The following GPR173 variants were observed in gnomAD, a reference collection of about 807,000 sequenced individuals.
The protein encoded by GPR173 is probable G protein-coupled receptor 173.
In GPR173, 2 loss-of-function variants were observed where a neutral mutation model predicts 13.9. The observed-to-expected ratio is 0.14, with a 90% confidence interval of 0.06 to 0.45. The LOEUF (loss-of-function observed/expected upper bound fraction) is 0.45. Ranked by LOEUF, GPR173 falls within the 20% of genes least tolerant of loss-of-function variation. GPR173 has a pLI of 0.98. For synonymous variants in GPR173, 131 were observed against 141.0 expected (o/e 0.93, Z 0.50); for missense variants, 202 against 340.5 (o/e 0.59, Z 3.20).
chrX:53,060,188 C>T (rs957597431), intron 1 of GPR173, among the ~76,000 whole-genome samples: 2 of 109,139 alleles, frequency 1.8e-5, no homozygotes, highest in Non-Finnish European at 3.8e-5. Context: ...TTGCTCTTGT[C>T]GCCCAGGCTG....
chrX:53,076,632 C>G lies in GPR173; in HGVS notation c.11C>G (p.Thr4Ser). 1 of 1,187,815 alleles carries G rather than the reference C, an allele frequency of 8.4e-7. No homozygotes were observed. Among genetic ancestry groups the G allele is most frequent in the Non-Finnish European group, 1.1e-6 (1 of 881,149 alleles). Residue 4 changes from threonine (T) to serine (S), a missense_variant, in exon 2 of 2, where the codon ACT becomes AGT. Physicochemically the swap from Thr to Ser is moderately conservative, Grantham distance 58. Coordinates refer to ENST00000332582, the MANE Select transcript of GPR173 (RefSeq NM_018969.6). MAN[T>S]TGEPEEVSGA... Reference sequence around the variant, plus strand: ...CCCCTGACCCTCAGTATGGCCAACACTACCGGAGAGCCTGAGGAGGTGAGC... The same window carrying G: ...CCCCTGACCCTCAGTATGGCCAACAGTACCGGAGAGCCTGAGGAGGTGAGC...
In GPR173 at chrX:53,080,229, A is replaced by C. The variant is rs1556806472; in HGVS notation, c.*2486A>C. 8.2e-6 allele frequency: 1 copy of C among 121,572 alleles called. No homozygotes were observed. Among genetic ancestry groups the C allele is most frequent in the African/African-American group, 3.3e-5 (1 of 30,214 alleles). 10.0% of individuals were successfully genotyped at this position (121,572 alleles called of 1,213,427 possible). A position where few individuals can be genotyped will look rare whatever the true frequency, so the allele number is the denominator to read the frequency against. ...GCTGGGACTTTGGTCAGCTTTGACCAAATTTAGAGGGAGGGATGTCATGGG... is the reference window on the plus strand; with the variant it reads ...GCTGGGACTTTGGTCAGCTTTGACCCAATTTAGAGGGAGGGATGTCATGGG... On this transcript the variant is annotated 3_prime_UTR_variant, in exon 2 of 2. Transcript: ENST00000332582.
chrX:53,058,847 T>C (rs1163702184), intron 1 of GPR173, among the ~76,000 whole-genome samples: 1 of 111,210 alleles, frequency 9.0e-6, no homozygotes, highest in Non-Finnish European at 1.9e-5. Context: ...TTCATATGTA[T>C]GTATGTATGT....
Position 53,077,693 on chromosome X carries a change from T to C in GPR173, c.1072T>C (p.Trp358Arg), listed in dbSNP as rs958161490. The change falls in exon 2 of 2, where the codon TGG becomes CGG. Residue 358 changes from tryptophan to arginine, a missense_variant. By Grantham distance (101) the Trp-to-Arg change is moderately radical. Transcript: ENST00000332582. ...GTGCCTGAGGACTCACGCCCCCTGC[T>C]GGGGCACAGGAGGTGCCCCGGCTCC... ...KKCLRTHAPC[W>R]GTGGAPAPRE... 1.7e-5 allele frequency: 20 copies of C among 1,202,523 alleles called. No homozygotes were observed. Among genetic ancestry groups the C allele is most frequent in the Admixed American group, 4.4e-5 (2 of 45,824 alleles).
intron 1 of GPR173, among the ~76,000 whole-genome samples, chrX:53,055,204 G>A (rs1269642173): frequency 9.0e-6 from 1 of 110,591 alleles, no homozygotes; most frequent in Non-Finnish European, 1.9e-5. Context: ...CATGTCTCCT[G>A]TGGGAAGAGC....
chrX:53,055,823 ATGGGGCTGTGAGAG>A (rs1932025663), intron 1 of GPR173, among the ~76,000 whole-genome samples: 1 of 108,717 alleles, frequency 9.2e-6, no homozygotes, highest in Non-Finnish European at 1.9e-5. Flanking sequence ...ATGTGTCTGC[ATGGGGCTGTGAGAG>A]TGGGGCTGTA....
intron 1 of GPR173, among the ~76,000 whole-genome samples, chrX:53,075,661 A>G (rs782177910): frequency 1.0e-4 from 11 of 109,627 alleles, no homozygotes; most frequent in Non-Finnish European, 1.9e-4. Context: ...CCACAACCCT[A>G]CACAATCTGG....
intron 1 of GPR173, among the ~76,000 whole-genome samples, chrX:53,067,685 A>G (rs941801330): frequency 5.0e-4 from 56 of 111,150 alleles, no homozygotes; most frequent in Non-Finnish European, 9.5e-4. Flanking sequence ...TTAGCCGGGC[A>G]TGGTGGCAGG....
intron 1 of GPR173, among the ~76,000 whole-genome samples, chrX:53,064,276 C>T (rs1272108776): frequency 8.9e-6 from 1 of 112,047 alleles, no homozygotes; most frequent in Non-Finnish European, 1.9e-5. Context: ...TTGTAAAGAA[C>T]AGAGATTTTA....
chrX:53,073,299 G>T (rs782030326), intron 1 of GPR173, among the ~76,000 whole-genome samples: 14 of 109,359 alleles, frequency 1.3e-4, no homozygotes, highest in African/African-American at 4.3e-4. Flanking sequence ...CATGCAGAGG[G>T]GAGACTTTTC....
chrX:53,069,385 T>C (rs1556804565), intron 1 of GPR173, among the ~76,000 whole-genome samples: 1 of 111,933 alleles, frequency 8.9e-6, no homozygotes, highest in Non-Finnish European at 1.9e-5. Context: ...TCATACTATC[T>C]GGAATGTTTC....
chrX:53,068,792 T>A (rs1556804489), intron 1 of GPR173, among the ~76,000 whole-genome samples: 2 of 65,034 alleles, frequency 3.1e-5, no homozygotes, highest in African/African-American at 2.3e-4. Flanking sequence ...AAATAAATAT[T>A]TTTCATAAAT....
intron 1 of GPR173, among the ~76,000 whole-genome samples, chrX:53,072,364 C>T (rs1343952323): frequency 9.5e-6 from 1 of 104,719 alleles, no homozygotes; most frequent in Non-Finnish European, 1.9e-5. Flanking sequence ...TAGCCCTCTC[C>T]CTCTCCCTGC....
chrX:53,051,546 G>A lies in GPR173; in HGVS notation c.-98+2062G>A, dbSNP rs962414477. Among the ~76,000 whole-genome samples, 6 of 110,783 alleles carry A rather than the reference G, an allele frequency of 5.4e-5. No individual in the cohort carries two copies. In the Admixed American group the frequency reaches 5.8e-4, roughly 11 times the overall value. On this transcript the variant is annotated intron_variant, in intron 1 of 1. Transcript: ENST00000332582. Reference sequence around the variant, plus strand: ...AAGCAGGCCGTGTGATGGCATGTGTGTGAGTGTGTGGGTATCTGGGTAGGC... The same window carrying A: ...AAGCAGGCCGTGTGATGGCATGTGTATGAGTGTGTGGGTATCTGGGTAGGC...
At chrX:53,067,426 C>T (rs1932196630) in intron 1 of GPR173, among the ~76,000 whole-genome samples, 1 of 112,185 alleles carries the variant, frequency 8.9e-6, no homozygotes, top group Non-Finnish European at 1.9e-5. Context: ...ATCCCAGTTT[C>T]TCAATTTGCA....
rs1395190751 is a variant in GPR173 at position 53,080,292 on chromosome X, C to G, written c.*2549C>G. The G allele has an allele frequency of 8.2e-6, 1 of 122,271 alleles. No individual in the cohort carries two copies. Among genetic ancestry groups the G allele is most frequent in the Non-Finnish European group, 1.9e-5 (1 of 53,026 alleles). The allele number at this position is 122,271 out of a possible 1,213,427, so 10.1% of individuals were successfully genotyped here. On this transcript the variant is annotated 3_prime_UTR_variant, in exon 2 of 2. Coordinates refer to ENST00000332582, the MANE Select transcript of GPR173 (RefSeq NM_018969.6). ...AAGCCCAGGAGTCTACCCAGCCAGCCTGCTCCCTAGACAGTTAATTTACTA... is the reference window on the plus strand; with the variant it reads ...AAGCCCAGGAGTCTACCCAGCCAGCGTGCTCCCTAGACAGTTAATTTACTA...
At chrX:53,065,973 G>A (rs1266227557) in intron 1 of GPR173, among the ~76,000 whole-genome samples, 1 of 110,614 alleles carries the variant, frequency 9.0e-6, no homozygotes, top group Non-Finnish European at 1.9e-5. Context: ...GGTGGCGCGT[G>A]CCTGTGATCC....
At chrX:53,054,502 TAA>T (rs782083038) in intron 1 of GPR173, among the ~76,000 whole-genome samples, 9 of 96,267 alleles carry the variant, frequency 9.3e-5, no homozygotes, top group Non-Finnish European at 6.3e-5. Flanking sequence ...AGACTCCATC[TAA>T]AAAAAAAAAA....
In GPR173 at chrX:53,077,958, G is replaced by A; in HGVS notation, c.*215G>A. 2.4e-6 allele frequency: 1 copy of A among 414,926 alleles called. No homozygotes were observed. Among genetic ancestry groups the A allele is most frequent in the Non-Finnish European group, 4.3e-6 (1 of 233,327 alleles). The allele number at this position is 414,926 out of a possible 1,213,427, so 34.2% of individuals were successfully genotyped here. A position where few individuals can be genotyped will look rare whatever the true frequency, so the allele number is the denominator to read the frequency against. ...AAAGAGGCATATTTAGTTTTGTGGG[G>A]CCTGTCTCCGCTGCCTCCTTCTCCA... On this transcript the variant is annotated 3_prime_UTR_variant, in exon 2 of 2. Coordinates refer to ENST00000332582, the MANE Select transcript of GPR173 (RefSeq NM_018969.6).
Sources: gnomAD v4.1 joint callset for allele counts (sites outside exome capture counted in the v4.1 genomes callset) on GRCh38, gnomAD v4.1.1 for gene constraint, MANE v1.5 for transcripts, NCBI Gene and HGNC (gene_info 2026-07-23, HGNC 2026-07-21) for gene names.